Variants in NF2 observed in about 807,000 individuals in gnomAD.
NF2 encodes merlin.
In NF2, 8 loss-of-function variants were observed where a neutral mutation model predicts 83.7. The ratio of observed to expected loss-of-function variants is 0.10; its 90% CI spans 0.06 to 0.17. The LOEUF (loss-of-function observed/expected upper bound fraction) is 0.17. Ranked by LOEUF, NF2 falls within the 10% of genes least tolerant of loss-of-function variation. NF2 has a pLI of 1.00. For synonymous variants in NF2, 266 were observed against 269.6 expected, an observed-to-expected ratio of 0.99 and a Z score of 0.13; for missense variants, 533 against 744.4, an observed-to-expected ratio of 0.72 and a Z score of 3.31.
At chr22:29,679,080 T>C (rs780522358) in intron 14 of NF2, among the ~76,000 whole-genome samples, 8 of 152,226 alleles carry the variant, frequency 5.3e-5, no homozygotes, top group Non-Finnish European at 1.0e-4. Context: ...TAATTCCTGC[T>C]AACTTACAAA....
chr22:29,691,568 G>T (rs1226083020), intron 15 of NF2, among the ~76,000 whole-genome samples: 1 of 152,222 alleles, frequency 6.6e-6, no homozygotes, highest in Non-Finnish European at 1.5e-5. Flanking sequence ...TTTATGAAGG[G>T]CTAGCTTTTT....
At chr22:29,612,756 A>G (rs1350767991) in intron 1 of NF2, among the ~76,000 whole-genome samples, 1 of 152,198 alleles carries the variant, frequency 6.6e-6, no homozygotes, top group African/African-American at 2.4e-5. Context: ...ATTGATCTAC[A>G]CGTTTGACAT....
At chr22:29,667,044 G>A (rs911692196) in intron 9 of NF2, among the ~76,000 whole-genome samples, 1 of 152,072 alleles carries the variant, frequency 6.6e-6, no homozygotes, top group Non-Finnish European at 1.5e-5. Flanking sequence ...AGGAGTAGAA[G>A]TACAGGGCTT....
Position 29,695,081 on chromosome 22 carries a change from C to G in NF2, c.*279C>G. The stretch of plus-strand genomic sequence containing the variant: ...TTTGTCTAATGTGGGATTCCTGACT[C>G]CCTTCGTCCAAGGCACCGGTGTGTG... On this transcript the variant is annotated 3_prime_UTR_variant, in exon 16 of 16. Transcript: ENST00000338641. This position sits in a 1 kb window ranked among gnomAD's most constrained non-coding sequence, Gnocchi z 5.4. The G allele has an allele frequency of 1.8e-6, 1 of 552,486 alleles. No homozygotes were observed. Among genetic ancestry groups the G allele is most frequent in the Non-Finnish European group, 3.3e-6 (1 of 306,730 alleles). 34.2% of individuals were successfully genotyped at this position (552,486 alleles called of 1,614,324 possible).
intron 1 of NF2, chr22:29,609,598 C>T (rs2064895309): frequency 5.0e-6 from 1 of 200,236 alleles, no homozygotes; most frequent in Admixed American, 5.8e-5. Flanking sequence ...TGAAGCCATT[C>T]TGCGTTTTTG....
chr22:29,663,659 C>A (rs2066537833), intron 8 of NF2, among the ~76,000 whole-genome samples: 2 of 152,230 alleles, frequency 1.3e-5, no homozygotes, highest in Admixed American at 6.5e-5. Flanking sequence ...AACACTGCTT[C>A]TAAGTTAACT....
chr22:29,603,654 G>C lies in NF2; in HGVS notation c.-345G>C. On this transcript the variant is annotated 5_prime_UTR_variant, in exon 1 of 16. Transcript: ENST00000338641. ...CCCCGTGACCCTAGTCGGCCGCTGA[G>C]AGGCGCGCGGAGTCTGGGCCGCTGC... The C allele has an allele frequency of 2.4e-6, 1 of 408,526 alleles. No homozygotes were observed. Among genetic ancestry groups the C allele is most frequent in the East Asian group, 3.6e-5 (1 of 28,100 alleles). The allele number at this position is 408,526 out of a possible 1,614,324, so 25.3% of individuals were successfully genotyped here. A position where few individuals can be genotyped will look rare whatever the true frequency, so the allele number is the denominator to read the frequency against.
At chr22:29,608,845 T>C (rs1255765727) in intron 1 of NF2, 1 of 402,068 alleles carries the variant, frequency 2.5e-6, no homozygotes, top group Non-Finnish European at 4.6e-6. Context: ...AGTAAAGATA[T>C]TAAATTAGTA....
chr22:29,682,953 C>G, intron 15 of NF2: 1 of 1,583,046 alleles, frequency 6.3e-7, no homozygotes, highest in Non-Finnish European at 8.7e-7. Context: ...TTGCAGATGG[C>G]ACTTATGGCA....
At chr22:29,693,579 C>T (rs1863914057) in intron 15 of NF2, among the ~76,000 whole-genome samples, 1 of 152,196 alleles carries the variant, frequency 6.6e-6, no homozygotes, top group Non-Finnish European at 1.5e-5. Context: ...ACCATCTTGC[C>T]TGCCCCATGG....
chr22:29,691,777 G>A (rs992852106), intron 15 of NF2, among the ~76,000 whole-genome samples: 2 of 152,220 alleles, frequency 1.3e-5, no homozygotes, highest in African/African-American at 4.8e-5. Context: ...GCTCCGCGGG[G>A]TGGCTTCCCA....
intron 12 of NF2, among the ~76,000 whole-genome samples, chr22:29,673,725 G>A (rs2066879338): frequency 6.6e-6 from 1 of 152,238 alleles, no homozygotes; most frequent in Non-Finnish European, 1.5e-5. Context: ...TCATACTTGT[G>A]TCTCTTTGAT....
intron 4 of NF2, among the ~76,000 whole-genome samples, chr22:29,652,430 G>A (rs191480584): frequency 2.6e-5 from 4 of 152,172 alleles, no homozygotes; most frequent in African/African-American, 7.2e-5. Context: ...TCAGCCTCCC[G>A]AATAGCTGGG....
intron 4 of NF2, among the ~76,000 whole-genome samples, chr22:29,652,214 C>T (rs2066170022): frequency 6.6e-6 from 1 of 152,206 alleles, no homozygotes. Flanking sequence ...GGCCAGTGCT[C>T]TCATTTGACA....
At chr22:29,619,648 G>A (rs1311682584) in intron 1 of NF2, among the ~76,000 whole-genome samples, 1 of 151,934 alleles carries the variant, frequency 6.6e-6, no homozygotes, top group East Asian at 1.9e-4. Context: ...GCCTGGCTCG[G>A]CCTCCCAAAG....
intron 4 of NF2, among the ~76,000 whole-genome samples, chr22:29,650,247 A>G (rs1212547153): frequency 6.6e-6 from 1 of 152,236 alleles, no homozygotes; most frequent in Admixed American, 6.5e-5. Flanking sequence ...ATTTAAATAG[A>G]TATAGCCAAA....
chr22:29,672,031 G>A (rs2147075418), intron 11 of NF2, 83 bp downstream of exon 11: 1 of 1,594,214 alleles, frequency 6.3e-7, no homozygotes, highest in South Asian at 1.1e-5. Context: ...TGAAAACCAT[G>A]AGTTAGCAGC....
intron 1 of NF2, among the ~76,000 whole-genome samples, chr22:29,629,045 AT>A (rs752493405): frequency 5.3e-5 from 8 of 151,702 alleles, no homozygotes; most frequent in South Asian, 2.1e-4. Context: ...GCTGTGATCT[AT>A]TTTTTTTCCC....
chr22:29,618,920 A>G (rs539090960), intron 1 of NF2, among the ~76,000 whole-genome samples: 1 of 152,348 alleles, frequency 6.6e-6, no homozygotes, highest in South Asian at 2.1e-4. Context: ...TAGGCTCCCT[A>G]GGACCAGGCA....
Sources: gnomAD v4.1 joint callset for allele counts (sites outside exome capture counted in the v4.1 genomes callset) on GRCh38, gnomAD v4.1.1 for gene constraint, Gnocchi (gnomAD v3.1) non-coding constraint, MANE v1.5 for transcripts, NCBI Gene and HGNC (gene_info 2026-07-23, HGNC 2026-07-21) for gene names.